Variants in CNTRL observed in about 807,000 individuals in gnomAD.
CNTRL encodes centriolin.
In CNTRL, 233 loss-of-function variants were observed where a neutral mutation model predicts 303.7. The observed-to-expected ratio is 0.77, with a 90% CI of 0.69 to 0.86. The LOEUF is 0.86. Ranked by LOEUF, CNTRL falls within the 40% of genes least tolerant of loss-of-function variation. The pLI is 0.00. For synonymous variants in CNTRL, 900 were observed against 922.2 expected (o/e 0.98, Z 0.44); for missense variants, 2,524 against 2,650.6 (o/e 0.95, Z 1.05).
chr9:121,123,910 T>C (rs1420232705), intron 12 of CNTRL, 21 bp from the exon 13 acceptor site: 2 of 1,530,948 alleles, frequency 1.3e-6, no homozygotes, highest in Non-Finnish European at 1.8e-6. Flanking sequence ...GGAGTTTTGT[T>C]GATTTTTTTT....
chr9:121,139,624 G>GT (rs1473284861), intron 16 of CNTRL, among the ~76,000 whole-genome samples: 1 of 152,174 alleles, frequency 6.6e-6, no homozygotes, highest in African/African-American at 2.4e-5. Flanking sequence ...AGGTGTGTGT[G>GT]TATGTTGGGT....
In CNTRL at chr9:121,135,824, A is replaced by G. The variant is rs1368147288; in HGVS notation, c.2044A>G (p.Ser682Gly). The G allele has an allele frequency of 3.1e-6, 5 of 1,612,644 alleles. No homozygotes were observed. In the East Asian group the frequency reaches 8.9e-5, roughly 29 times the overall value. ...NMRKELAELE[S>G]ALQEQHEVNA... is the part of the protein sequence containing the mutation. ...TTTCTAGGAGCTTGCAGAGCTAGAA[A>G]GTGCCCTCCAAGAGCAGCATGAGGT... The change falls in exon 15 of 44, where the codon AGT (serine) becomes GGT (glycine). Residue 682 changes from serine to glycine, a missense_variant. Transcript: ENST00000373855.
Position 121,138,620 on chromosome 9 carries a change from T to A in CNTRL, c.2278T>A (p.Phe760Ile), listed in dbSNP as rs566495778. The stretch of plus-strand genomic sequence containing the variant: ...CAAGAATGCCCTTGGAAAAGCCCAG[T>A]TCTCAGAAGAAAAGGAGCAAGAGAA... ...ALKNALGKAQ[F>I]SEEKEQENSE... The change falls in exon 16 of 44, where the codon TTC becomes ATC. Residue 760 changes from phenylalanine to isoleucine, a missense_variant. Transcript: ENST00000373855. 4.3e-6 allele frequency: 7 copies of A among 1,613,956 alleles called. No homozygotes were observed. In the South Asian group the frequency reaches 6.6e-5, roughly 15 times the overall value.
In CNTRL at chr9:121,118,475, A is replaced by T; in HGVS notation, c.1585A>T (p.Lys529Ter). Reference protein sequence around the residue: ...MEKQKQEIAGKQKEIKDLQIA... With the variant: ...MEKQKQEIAG ...AAAGCAAAAGCAGGAAATTGCCGGA[A>T]AGCAGAAGGAGATTAAGGACCTGCA... is the stretch of plus-strand genomic sequence containing the variant. The change falls in exon 12 of 44, where the codon AAG becomes TAG. Residue 529 changes from lysine (K) to a stop codon, truncating the protein, a stop_gained. Coordinates refer to ENST00000373855, the MANE Select transcript of CNTRL (RefSeq NM_007018.6). LOFTEE classifies it high-confidence loss of function. 1 of 1,611,878 alleles carries T rather than the reference A, an allele frequency of 6.2e-7. No homozygotes were observed. Among genetic ancestry groups the T allele is most frequent in the Non-Finnish European group, 8.5e-7 (1 of 1,178,478 alleles).
rs770870234 is a variant in CNTRL at position 121,135,939 on chromosome 9, A to C, written c.2159A>C (p.Asn720Thr). The change falls in exon 15 of 44, where the codon AAC (asparagine) becomes ACC (threonine). Residue 720 changes from asparagine to threonine, a missense_variant. Physicochemically the swap from Asn to Thr is moderately conservative, Grantham distance 65. Transcript: ENST00000373855. Reference sequence around the variant, plus strand: ...CTAAACCTAAGGGATGCTGAAGCCAACCAGCTCAAGGAAGAGTTGGAAAAA... The same window carrying C: ...CTAAACCTAAGGGATGCTGAAGCCACCCAGCTCAAGGAAGAGTTGGAAAAA... ...ARLNLRDAEA[N>T]QLKEELEKVT... 3.7e-6 allele frequency: 6 copies of C among 1,613,522 alleles called. No homozygotes were observed. The highest frequency in any genetic ancestry group is 5.1e-6 in the Non-Finnish European group (6 of 1,179,546).
At position 121,112,486 on chromosome 9, in the gene CNTRL, C is replaced by T. The variant is rs141361992; in HGVS notation, c.1030C>T (p.Arg344Ter). ...AAAACAGAAGACCATAGAATTAACACGAGCATGTCAGAAGCAATATGAGCT... is the reference window on the plus strand; with the variant it reads ...AAAACAGAAGACCATAGAATTAACATGAGCATGTCAGAAGCAATATGAGCT... ...LLKQKTIELT[R>*]ACQKQYELEQ... Residue 344 changes from arginine (R) to a stop codon, truncating the protein, a stop_gained, in exon 9 of 44, where the codon CGA (arginine) becomes TGA (stop). Coordinates refer to ENST00000373855, the MANE Select transcript of CNTRL (RefSeq NM_007018.6). LOFTEE classifies it high-confidence loss of function. 1.2e-5 allele frequency: 20 copies of T among 1,612,568 alleles called. No homozygotes were observed. The highest frequency in any genetic ancestry group is 2.2e-5 in the East Asian group (1 of 44,852).
At chr9:121,153,396 C>T (rs771112844) in intron 26 of CNTRL, among the ~76,000 whole-genome samples, 2 of 152,174 alleles carry the variant, frequency 1.3e-5, no homozygotes, top group Non-Finnish European at 2.9e-5. Context: ...CACGTTTTCT[C>T]CTGCCTCTAC....
intron 16 of CNTRL, among the ~76,000 whole-genome samples, chr9:121,140,375 G>C (rs1001235494): frequency 1.3e-5 from 2 of 152,244 alleles, no homozygotes; most frequent in Admixed American, 1.3e-4. Flanking sequence ...GGGGCAATGG[G>C]CATGGACAGT....
At chr9:121,124,850 T>G in intron 13 of CNTRL, among the ~76,000 whole-genome samples, 1 of 144,528 alleles carries the variant, frequency 6.9e-6, no homozygotes, top group African/African-American at 2.6e-5. Context: ...AGACTGAGGG[T>G]GGAGGATCAC....
Position 121,098,437 on chromosome 9 carries a change from C to G in CNTRL, c.673C>G (p.Leu225Val). ...GCTTCAAGATTTGATTTCTCTGATCCTAGTTGAAAATCCAGTTGTGACCCT... is the reference window on the plus strand; with the variant it reads ...GCTTCAAGATTTGATTTCTCTGATCGTAGTTGAAAATCCAGTTGTGACCCT... ...KPLQDLISLILVENPVVTLPH... is the reference protein window; with the variant it reads ...KPLQDLISLIVVENPVVTLPH... The change falls in exon 7 of 44, where the codon CTA (leucine) becomes GTA (valine). Residue 225 changes from leucine (L) to valine (V), a missense_variant. Physicochemically the swap from Leu to Val is conservative, Grantham distance 32 (BLOSUM62 1). Coordinates refer to ENST00000373855, the MANE Select transcript of CNTRL (RefSeq NM_007018.6). 6.2e-7 allele frequency: 1 copy of G among 1,613,508 alleles called. No homozygotes were observed. The highest frequency in any genetic ancestry group is 1.1e-5 in the South Asian group (1 of 91,032).
chr9:121,116,385 T>A lies in CNTRL; in HGVS notation c.1455+1185T>A, dbSNP rs545169450. On this transcript the variant is annotated intron_variant, in intron 11 of 43. Transcript: ENST00000373855. ...TAGGCATTTTTTTATTTTTTATTTT[T>A]ATTTTTTTGAGACAGGGCCTTGACT... 1.0e-3 allele frequency among the ~76,000 whole-genome samples: 153 copies of A among 151,384 alleles called. 3 individuals carry two copies. Among genetic ancestry groups the A allele is most frequent in the African/African-American group, 3.5e-3 (143 of 41,382 alleles).
At chr9:121,121,142 C>A (rs147450739) in intron 12 of CNTRL, among the ~76,000 whole-genome samples, 1 of 152,100 alleles carries the variant, frequency 6.6e-6, no homozygotes, top group African/African-American at 2.4e-5. Flanking sequence ...TTCTGAATAG[C>A]CAATAGAATT....
intron 4 of CNTRL, among the ~76,000 whole-genome samples, chr9:121,094,001 T>G (rs187650331): frequency 6.6e-6 from 1 of 152,052 alleles, no homozygotes; most frequent in South Asian, 2.1e-4. Context: ...TCCCAGCTAC[T>G]CGGGAGGCTG....
In CNTRL at chr9:121,150,388, G is replaced by T. The variant is rs2052155969; in HGVS notation, c.3868G>T (p.Ala1290Ser). Residue 1290 changes from alanine to serine, a missense_variant, in exon 25 of 44, where the codon GCC becomes TCC. Physicochemically the swap from Ala to Ser is moderately conservative, Grantham distance 99 (BLOSUM62 1). Coordinates refer to ENST00000373855, the MANE Select transcript of CNTRL (RefSeq NM_007018.6). ...TVVYGPPPAG[A>S]PMVYGPPPPN... ...TGTTTATGGCCCACCTCCTGCTGGG[G>T]CCCCCATGGTGTATGGGCCTCCACC... 1 of 1,613,936 alleles carries T rather than the reference G, an allele frequency of 6.2e-7. No homozygotes were observed. The highest frequency in any genetic ancestry group is 1.3e-5 in the African/African-American group (1 of 74,880).
Position 121,146,151 on chromosome 9 carries a change from A to G in CNTRL, c.3354A>G (p.Glu1118=). 6.2e-7 allele frequency: 1 copy of G among 1,612,858 alleles called. No individual in the cohort carries two copies. The highest frequency in any genetic ancestry group is 8.5e-7 in the Non-Finnish European group (1 of 1,179,692). ...GFENVLEEIA[E]LRREVSYQND... ...AAAATGTTTTAGAAGAAATTGCTGA[A>G]CTTCGACGTGAAGTTTCTTATCAGA... Residue 1118 remains glutamate (E), a synonymous_variant, in exon 23 of 44, where the codon GAA becomes GAG. Transcript: ENST00000373855.
chr9:121,126,084 T>A, intron 14 of CNTRL, 148 bp downstream of exon 14: 2 of 618,770 alleles, frequency 3.2e-6, no homozygotes, highest in Non-Finnish European at 5.6e-6. Context: ...AGTTGGGCTT[T>A]TTTTTTTCTT....
chr9:121,081,944 G>A (rs1300420050), intron 2 of CNTRL, among the ~76,000 whole-genome samples: 1 of 152,130 alleles, frequency 6.6e-6, no homozygotes, highest in Non-Finnish European at 1.5e-5. Flanking sequence ...CTGGTGACTG[G>A]CCCCCATCCC....
In CNTRL at chr9:121,158,085, C is replaced by T. The variant is rs763570042; in HGVS notation, c.4740C>T (p.Ala1580=). ...AGGTGCTTCTTCAGGCCAAAAGAGC[C>T]GAGCTGGAAAAGCTGAAAAGCCAGG... ...ESEVLLQAKR[A]ELEKLKSQVT... The change falls in exon 30 of 44, where the codon GCC becomes GCT. Residue 1580 remains alanine (A), a synonymous_variant. Transcript: ENST00000373855. 1.1e-5 allele frequency: 18 copies of T among 1,613,912 alleles called. No individual in the cohort carries two copies. The highest frequency in any genetic ancestry group is 8.0e-5 in the African/African-American group (6 of 74,870).
chr9:121,143,536 C>G (rs1193805685), intron 19 of CNTRL, among the ~76,000 whole-genome samples: 1 of 152,198 alleles, frequency 6.6e-6, no homozygotes, highest in Non-Finnish European at 1.5e-5. Context: ...CTCTCCATTT[C>G]TCACTGTGCT....
Sources: allele counts gnomAD v4.1 joint callset (sites outside exome capture counted in the v4.1 genomes callset), GRCh38; gene constraint gnomAD v4.1.1; transcripts MANE v1.5; gene names NCBI Gene and HGNC (gene_info 2026-07-23, HGNC 2026-07-21).